LRPPRC: variants seen among roughly 807,000 people sequenced by gnomAD.
The protein encoded by LRPPRC is leucine rich pentatricopeptide repeat containing.
In LRPPRC, 120 loss-of-function variants were observed where a neutral mutation model predicts 180.3. The observed-to-expected ratio is 0.67, with a 90% CI of 0.57 to 0.77. LRPPRC has a LOEUF of 0.77. Among genes scored for constraint, LRPPRC ranks in the 30% least tolerant of loss-of-function variants. LRPPRC has a pLI of 0.00. For synonymous variants in LRPPRC, 723 were observed against 600.0 expected (o/e 1.21, Z -3.00); for missense variants, 2,012 against 1,657.2 (o/e 1.21, Z -3.72).
chr2:43,963,846 G>C (rs1438675296), intron 11 of LRPPRC, 140 bp from the exon 12 acceptor site: 2 of 711,810 alleles, frequency 2.8e-6, no homozygotes, highest in African/African-American at 3.5e-5. Context: ...AGGCAGAAAA[G>C]AAACACTGTG....
In LRPPRC at chr2:43,949,658, A is replaced by G; in HGVS notation, c.1679T>C (p.Ile560Thr). 4 of 1,612,200 alleles carry G rather than the reference A, an allele frequency of 2.5e-6. No individual in the cohort carries two copies. Among genetic ancestry groups the G allele is most frequent in the Non-Finnish European group, 3.4e-6 (4 of 1,178,250 alleles). The change falls in exon 16 of 38, where the codon ATA (isoleucine) becomes ACA (threonine). Residue 560 changes from isoleucine (I) to threonine (T), a missense_variant and splice_region_variant. By Grantham distance (89) the Ile-to-Thr change is moderately conservative. Coordinates refer to ENST00000260665, the MANE Select transcript of LRPPRC (RefSeq NM_133259.4). ...RSMNINLWSE[I>T]TELLYKDGRY... The stretch of plus-strand genomic sequence containing the variant: ...TCCATCCTTGTACAACAATTCTGTT[A>G]TCTGGTAAGACAGAAAATTCGTGCA...
chr2:43,982,543 A>C, intron 1 of LRPPRC, 109 bp from the exon 2 acceptor site: 1 of 788,992 alleles, frequency 1.3e-6, no homozygotes. Flanking sequence ...CTAAAATCAC[A>C]GTACAATACC....
chr2:43,947,358 TA>T lies in LRPPRC; in HGVS notation c.1977del (p.Thr660HisfsTer12). ...AGTGTGGACTCCAATTCAGATGATG[TA>T]AGTTGCACAGTCTACAGAAAAGAAA... ...KNLDFQKTVQ[L>X]TSSELESTLE... is the part of the protein sequence containing the mutation. On this transcript the variant is annotated frameshift_variant, in exon 20 of 38. Coordinates refer to ENST00000260665, the MANE Select transcript of LRPPRC (RefSeq NM_133259.4). LOFTEE classifies it high-confidence loss of function. 1 of 1,558,292 alleles carries T rather than the reference TA, an allele frequency of 6.4e-7. No individual in the cohort carries two copies. Among genetic ancestry groups the T allele is most frequent in the Non-Finnish European group, 8.8e-7 (1 of 1,130,110 alleles).
At chr2:43,943,418 A>G (rs1672556704) in intron 23 of LRPPRC, among the ~76,000 whole-genome samples, 1 of 152,036 alleles carries the variant, frequency 6.6e-6, no homozygotes. Context: ...TATCAGGCTC[A>G]AAACTAGGAA....
rs571550652 is a variant in LRPPRC at position 43,896,679 on chromosome 2, C to T, written c.3855G>A (p.Pro1285=). The change falls in exon 35 of 38, where the codon CCG becomes CCA. Residue 1285 remains proline, a synonymous_variant. Transcript: ENST00000260665. ...QRCGAIAEQT[P]ILLLFLLRNS... ...TCCTAAGGAGGAACAACAACAAAAT[C>T]GGGGTTTGTTCAGCAATTGCACCAC... 7.4e-6 allele frequency: 12 copies of T among 1,612,538 alleles called. No individual in the cohort carries two copies. In the South Asian group the frequency reaches 7.7e-5, roughly 10 times the overall value.
intron 1 of LRPPRC, among the ~76,000 whole-genome samples, chr2:43,994,682 G>A (rs374371833): frequency 1.3e-5 from 2 of 152,128 alleles, no homozygotes; most frequent in African/African-American, 4.8e-5. Flanking sequence ...ACAAGCATCA[G>A]TCTTTCAAAA....
chr2:43,969,761 C>G (rs540388010), intron 11 of LRPPRC, among the ~76,000 whole-genome samples: 3 of 152,246 alleles, frequency 2.0e-5, no homozygotes, highest in South Asian at 4.1e-4. Context: ...TGGCTACGAT[C>G]AAGGCTCAAT....
chr2:43,967,792 G>A (rs1016243293), intron 11 of LRPPRC, among the ~76,000 whole-genome samples: 3 of 152,202 alleles, frequency 2.0e-5, no homozygotes, highest in African/African-American at 7.2e-5. Context: ...ACTGCACACA[G>A]AAGCCTAACA....
At position 43,896,768 on chromosome 2, in the gene LRPPRC, G is replaced by T; in HGVS notation, c.3826-60C>A. The T allele has an allele frequency of 3.1e-6, 3 of 975,926 alleles. No homozygotes were observed. In the South Asian group the frequency reaches 3.9e-5, roughly 13 times the overall value. 60.5% of individuals were successfully genotyped at this position (975,926 alleles called of 1,614,324 possible). On this transcript the variant is annotated intron_variant, in intron 34 of 37. Coordinates refer to ENST00000260665, the MANE Select transcript of LRPPRC (RefSeq NM_133259.4). Reference sequence around the variant, plus strand: ...TTCTGATAAACAAGTGGATCAAACTGAATATTTCCAATTAAGAAAGTTCAC... The same window carrying T: ...TTCTGATAAACAAGTGGATCAAACTTAATATTTCCAATTAAGAAAGTTCAC...
chr2:43,912,895 T>C (rs993956210), intron 29 of LRPPRC, among the ~76,000 whole-genome samples: 7 of 152,168 alleles, frequency 4.6e-5, no homozygotes, highest in African/African-American at 1.2e-4. Context: ...AAGACGATAC[T>C]AGTTTCAAAA....
Position 43,946,227 on chromosome 2 carries a change from A to C in LRPPRC, c.2096T>G (p.Leu699Arg), listed in dbSNP as rs774847858. 6.2e-7 allele frequency: 1 copy of C among 1,611,818 alleles called. No individual in the cohort carries two copies. ...LCSEENMQKA[L>R]ELKAKYESDM... is the part of the protein sequence containing the mutation. ...GGATTCATATTTTGCTTTCAATTCAAGGGCTTTTTGCATATTCTAAAATAC... is the reference window on the plus strand; with the variant it reads ...GGATTCATATTTTGCTTTCAATTCACGGGCTTTTTGCATATTCTAAAATAC... The change falls in exon 21 of 38, where the codon CTT becomes CGT. Residue 699 changes from leucine (L) to arginine (R), a missense_variant. Leu to Arg is a moderately radical substitution (Grantham distance 102). Coordinates refer to ENST00000260665, the MANE Select transcript of LRPPRC (RefSeq NM_133259.4).
At chr2:43,959,760 T>TATAATCCC (rs1673262543) in intron 13 of LRPPRC, among the ~76,000 whole-genome samples, 1 of 152,148 alleles carries the variant, frequency 6.6e-6, no homozygotes, top group South Asian at 2.1e-4. Flanking sequence ...GGCATGTGCC[T>TATAATCCC]ATAATCCCAG....
intron 23 of LRPPRC, among the ~76,000 whole-genome samples, chr2:43,935,356 A>C (rs1268626495): frequency 6.6e-6 from 1 of 152,244 alleles, no homozygotes; most frequent in Non-Finnish European, 1.5e-5. Flanking sequence ...AGGAATTTTC[A>C]AGAACTTTTT....
At chr2:43,972,469 A>T (rs1481979311) in intron 11 of LRPPRC, among the ~76,000 whole-genome samples, 1 of 152,198 alleles carries the variant, frequency 6.6e-6, no homozygotes, top group Non-Finnish European at 1.5e-5. Context: ...TACCAAAAAA[A>T]TTTTCATACT....
intron 30 of LRPPRC, among the ~76,000 whole-genome samples, chr2:43,909,934 A>G (rs545301461): frequency 1.5e-4 from 23 of 152,276 alleles, no homozygotes; most frequent in African/African-American, 5.3e-4. Context: ...ATCAAGATCC[A>G]TGGGAGGATT....
At chr2:43,994,787 T>C (rs1305587984) in intron 1 of LRPPRC, among the ~76,000 whole-genome samples, 2 of 152,214 alleles carry the variant, frequency 1.3e-5, no homozygotes, top group African/African-American at 2.4e-5. Context: ...TTCACCAACT[T>C]TTCTTTTCCC....
chr2:43,946,835 A>T (rs1362257181), intron 20 of LRPPRC, among the ~76,000 whole-genome samples: 2 of 152,088 alleles, frequency 1.3e-5, no homozygotes, highest in Admixed American at 6.6e-5. Context: ...CGCTGAAAAA[A>T]GGCAAGGGAC....
At chr2:43,970,620 G>C (rs1673762565) in intron 11 of LRPPRC, among the ~76,000 whole-genome samples, 2 of 152,164 alleles carry the variant, frequency 1.3e-5, no homozygotes. Context: ...CCATGAGAAA[G>C]TTGATCAATC....
In LRPPRC at chr2:43,982,302, A is replaced by G. The variant is rs765843758; in HGVS notation, c.282T>C (p.Val94=). The G allele has an allele frequency of 6.3e-7, 1 of 1,590,930 alleles. No individual in the cohort carries two copies. The highest frequency in any genetic ancestry group is 8.5e-7 in the Non-Finnish European group (1 of 1,169,634). The change falls in exon 2 of 38, where the codon GTT becomes GTC. Residue 94 remains valine, a synonymous_variant. Coordinates refer to ENST00000260665, the MANE Select transcript of LRPPRC (RefSeq NM_133259.4). Reference sequence around the variant, plus strand: ...TCTTTGGAATGCGGCCAGTTCTTCGAACAGAAAGATCTAGTCTCATTAGAG... The same window carrying G: ...TCTTTGGAATGCGGCCAGTTCTTCGGACAGAAAGATCTAGTCTCATTAGAG... ...DWALMRLDLS[V]RRTGRIPKKL...
Sources: allele counts gnomAD v4.1 joint callset (sites outside exome capture counted in the v4.1 genomes callset), GRCh38; gene constraint gnomAD v4.1.1; transcripts MANE v1.5; gene names NCBI Gene and HGNC (gene_info 2026-07-23, HGNC 2026-07-21).